The following SLC16A10 variants were observed in gnomAD, a reference collection of about 807,000 sequenced individuals.
SLC16A10 encodes monocarboxylate transporter 10.
A neutral mutation model predicts 40.0 loss-of-function variants in SLC16A10; 27 were observed. That is an observed-to-expected ratio of 0.67 (90% confidence interval 0.50 to 0.93). The LOEUF (loss-of-function observed/expected upper bound fraction) is 0.93, where lower values mean the gene tolerates loss of function less well. Among genes scored for constraint, SLC16A10 ranks in the 40% least tolerant of loss-of-function variants. SLC16A10 has a pLI of 0.00. For synonymous variants in SLC16A10, 213 were observed against 249.8 expected, an observed-to-expected ratio of 0.85 and a Z score of 1.39; for missense variants, 529 against 658.2, an observed-to-expected ratio of 0.80 and a Z score of 2.15.
chr6:111,182,537 C>T (rs1234744832), intron 3 of SLC16A10, among the ~76,000 whole-genome samples: 2 of 151,980 alleles, frequency 1.3e-5, no homozygotes. Flanking sequence ...ATCCAGTCTC[C>T]TAAGTTCATA....
intron 3 of SLC16A10, among the ~76,000 whole-genome samples, chr6:111,196,926 C>T (rs6921214): frequency 0.025 from 3,737 of 152,170 alleles, 132 homozygotes; most frequent in African/African-American, 0.085. Context: ...CAGTTCTCCA[C>T]GGATACCAAG....
At chr6:111,130,439 T>C (rs965759018) in intron 1 of SLC16A10, among the ~76,000 whole-genome samples, 1 of 152,236 alleles carries the variant, frequency 6.6e-6, no homozygotes, top group Non-Finnish European at 1.5e-5. Context: ...CTTAGAAGCA[T>C]CTTTCCCCAA....
intron 1 of SLC16A10, among the ~76,000 whole-genome samples, chr6:111,101,947 TG>T (rs1771196634): frequency 6.6e-6 from 1 of 152,358 alleles, no homozygotes; most frequent in African/African-American, 2.4e-5. Context: ...TGTCAATATT[TG>T]CTTTTGTTTT....
At chr6:111,157,423 A>G (rs1023799062) in intron 1 of SLC16A10, among the ~76,000 whole-genome samples, 1 of 152,064 alleles carries the variant, frequency 6.6e-6, no homozygotes, top group Non-Finnish European at 1.5e-5. Context: ...AGCTGGGACT[A>G]CAGGCACCTG....
At chr6:111,177,155 C>A in intron 2 of SLC16A10, 57 bp from the exon 3 acceptor site, 1 of 1,220,338 alleles carries the variant, frequency 8.2e-7, no homozygotes, top group Non-Finnish European at 1.1e-6. Flanking sequence ...TTTTATTCTA[C>A]CAAGCACACA....
intron 1 of SLC16A10, among the ~76,000 whole-genome samples, chr6:111,117,167 G>A (rs1472176142): frequency 2.0e-5 from 3 of 151,852 alleles, no homozygotes; most frequent in East Asian, 1.9e-4. Context: ...TGGCTAACAC[G>A]TTGAAACCCC....
intron 1 of SLC16A10, among the ~76,000 whole-genome samples, chr6:111,125,837 A>T (rs1309897566): frequency 6.6e-6 from 1 of 152,204 alleles, no homozygotes; most frequent in African/African-American, 2.4e-5. Context: ...CATTGTACAG[A>T]TAAGGAAACT....
At chr6:111,135,767 A>C (rs1771867293) in intron 1 of SLC16A10, among the ~76,000 whole-genome samples, 1 of 152,190 alleles carries the variant, frequency 6.6e-6, no homozygotes, top group African/African-American at 2.4e-5. Context: ...TGGTATGCGG[A>C]TGATTTACTT....
intron 1 of SLC16A10, among the ~76,000 whole-genome samples, chr6:111,165,530 A>T (rs1583338537): frequency 6.6e-6 from 1 of 152,216 alleles, no homozygotes; most frequent in Non-Finnish European, 1.5e-5. Flanking sequence ...CTCTTATTTT[A>T]AAAAATCCTT....
intron 1 of SLC16A10, among the ~76,000 whole-genome samples, chr6:111,101,141 C>T (rs1198523530): frequency 6.6e-6 from 1 of 151,386 alleles, no homozygotes; most frequent in Non-Finnish European, 1.5e-5. Flanking sequence ...AGTGATCCTC[C>T]CACCTCAACC....
intron 1 of SLC16A10, among the ~76,000 whole-genome samples, chr6:111,163,368 G>A (rs917340503): frequency 3.3e-5 from 5 of 151,672 alleles, no homozygotes; most frequent in Admixed American, 6.6e-5. Flanking sequence ...TAGCCGGGAT[G>A]GTCTCGATCT....
At chr6:111,117,351 CAAAAAAAA>C (rs35235587) in intron 1 of SLC16A10, among the ~76,000 whole-genome samples, 1 of 73,424 alleles carries the variant, frequency 1.4e-5, no homozygotes, top group East Asian at 3.7e-4. Context: ...GACTCCGTCT[CAAAAAAAA>C]AAAAAAAAAA....
chr6:111,120,460 T>G (rs926830572), intron 1 of SLC16A10, among the ~76,000 whole-genome samples: 1 of 152,222 alleles, frequency 6.6e-6, no homozygotes, highest in African/African-American at 2.4e-5. Flanking sequence ...GTTGATTCTG[T>G]TAATGTGTGC....
intron 2 of SLC16A10, among the ~76,000 whole-genome samples, chr6:111,175,116 A>C (rs1440845127): frequency 6.6e-6 from 1 of 152,196 alleles, no homozygotes; most frequent in Non-Finnish European, 1.5e-5. Context: ...CTCTAGCTCC[A>C]GTTCTGCCTT....
At chr6:111,197,472 T>A (rs1773097475) in intron 3 of SLC16A10, among the ~76,000 whole-genome samples, 1 of 152,224 alleles carries the variant, frequency 6.6e-6, no homozygotes. Context: ...AATACTTGCT[T>A]ATTGACACTA....
At chr6:111,163,497 G>GA (rs2114530559) in intron 1 of SLC16A10, among the ~76,000 whole-genome samples, 1 of 152,262 alleles carries the variant, frequency 6.6e-6, no homozygotes, top group East Asian at 1.9e-4. Context: ...TCAGACATTA[G>GA]AATTTTAGAA....
chr6:111,146,601 TG>T (rs371082490), intron 1 of SLC16A10, among the ~76,000 whole-genome samples: 15,271 of 151,104 alleles, frequency 0.1, 1,005 homozygotes, highest in Middle Eastern at 0.17. Flanking sequence ...CTGGGCGTGG[TG>T]GGGGGGCGCC....
At chr6:111,092,801 A>G (rs1472528521) in intron 1 of SLC16A10, among the ~76,000 whole-genome samples, 1 of 151,286 alleles carries the variant, frequency 6.6e-6, no homozygotes, top group Non-Finnish European at 1.5e-5. Context: ...GCCCTTTGGG[A>G]GGCCAAGGCA....
At chr6:111,156,503 C>T (rs1772273183) in intron 1 of SLC16A10, among the ~76,000 whole-genome samples, 1 of 152,208 alleles carries the variant, frequency 6.6e-6, no homozygotes, top group African/African-American at 2.4e-5. Context: ...CAAAAAACCT[C>T]ATAGCCCTAG....
Sources: allele counts gnomAD v4.1 joint callset (sites outside exome capture counted in the v4.1 genomes callset), GRCh38; gene constraint gnomAD v4.1.1; transcripts MANE v1.5; gene names NCBI Gene and HGNC (gene_info 2026-07-23, HGNC 2026-07-21).